The following FCHSD2 variants were observed in gnomAD, a reference collection of about 807,000 sequenced individuals.
FCHSD2 encodes the protein F-BAR and double SH3 domains protein 2.
Under a neutral mutation model 108.1 loss-of-function variants are expected in FCHSD2, and 38 were observed. The observed-to-expected ratio is 0.35, with a 90% CI of 0.27 to 0.46. The LOEUF is 0.46. Ranked by LOEUF, FCHSD2 falls within the 20% of genes least tolerant of loss-of-function variation. The pLI, the probability that FCHSD2 is intolerant of heterozygous loss-of-function variation, is 1.00. For missense variants in FCHSD2, 751 were observed against 897.8 expected (o/e 0.84, Z 2.09); for synonymous variants, 279 against 314.7 (o/e 0.89, Z 1.20).
intron 2 of FCHSD2, among the ~76,000 whole-genome samples, chr11:73,137,127 T>C (rs1861136838): frequency 6.6e-6 from 1 of 152,206 alleles, no homozygotes; most frequent in African/African-American, 2.4e-5. Flanking sequence ...GATCACCTCC[T>C]TCCTCAGGCA....
intron 2 of FCHSD2, among the ~76,000 whole-genome samples, chr11:73,133,454 G>A (rs1861049617): frequency 6.6e-6 from 1 of 152,120 alleles, no homozygotes. Flanking sequence ...ATGAAGTAAT[G>A]ATACTACAAC....
intron 2 of FCHSD2, among the ~76,000 whole-genome samples, chr11:73,123,010 G>A (rs1226187987): frequency 1.3e-5 from 2 of 151,850 alleles, no homozygotes; most frequent in Non-Finnish European, 2.9e-5. Flanking sequence ...ATCCTTCCTT[G>A]TCCCATCAAA....
At chr11:73,031,563 A>G (rs1182730942) in intron 3 of FCHSD2, among the ~76,000 whole-genome samples, 1 of 152,218 alleles carries the variant, frequency 6.6e-6, no homozygotes, top group Non-Finnish European at 1.5e-5. Flanking sequence ...TGGGTGTTAC[A>G]CTTACAAAGT....
chr11:72,990,909 A>G (rs1857398429), intron 5 of FCHSD2, among the ~76,000 whole-genome samples: 1 of 152,198 alleles, frequency 6.6e-6, no homozygotes, highest in African/African-American at 2.4e-5. Context: ...CACAAAAATC[A>G]ATGAATCCAG....
intron 2 of FCHSD2, among the ~76,000 whole-genome samples, chr11:73,114,127 C>T (rs1860554716): frequency 6.6e-6 from 1 of 151,886 alleles, no homozygotes; most frequent in Admixed American, 6.6e-5. Flanking sequence ...TGCAGCTAAG[C>T]TGGCACTCAA....
chr11:72,841,376 T>C, intron 18 of FCHSD2, 78 bp downstream of exon 18: 1 of 1,412,120 alleles, frequency 7.1e-7, no homozygotes, highest in Non-Finnish European at 9.6e-7. Context: ...CAAATGCAGT[T>C]TTTTTTTGCC....
intron 3 of FCHSD2, among the ~76,000 whole-genome samples, chr11:73,021,334 A>G (rs1858099100): frequency 6.6e-6 from 1 of 152,208 alleles, no homozygotes; most frequent in African/African-American, 2.4e-5. Context: ...TAAAGTGGAT[A>G]AAGAAAATTT....
intron 3 of FCHSD2, among the ~76,000 whole-genome samples, chr11:73,020,132 T>C (rs891631279): frequency 1.3e-5 from 2 of 152,218 alleles, no homozygotes; most frequent in East Asian, 3.8e-4. Flanking sequence ...ATTCCAACTT[T>C]TAAAAAGCCA....
At chr11:73,052,788 A>T (rs1001019329) in intron 3 of FCHSD2, among the ~76,000 whole-genome samples, 1 of 152,212 alleles carries the variant, frequency 6.6e-6, no homozygotes, top group Non-Finnish European at 1.5e-5. Flanking sequence ...GGGCAAAAAA[A>T]GATGCTAATA....
chr11:72,913,836 A>AG (rs1436058792), intron 9 of FCHSD2, among the ~76,000 whole-genome samples: 3 of 59,740 alleles, frequency 5.0e-5, no homozygotes, highest in African/African-American at 1.7e-4. Flanking sequence ...AAAAAAAAAC[A>AG]AAAAAAAAAA....
At chr11:73,038,784 C>T (rs1302469153) in intron 3 of FCHSD2, among the ~76,000 whole-genome samples, 5 of 152,050 alleles carry the variant, frequency 3.3e-5, no homozygotes, top group South Asian at 4.1e-4. Flanking sequence ...CTCCAAACCT[C>T]GGCATCATGC....
At chr11:72,915,068 A>G (rs1855844846) in intron 9 of FCHSD2, among the ~76,000 whole-genome samples, 1 of 149,906 alleles carries the variant, frequency 6.7e-6, no homozygotes, top group Non-Finnish European at 1.5e-5. Flanking sequence ...AAACAACTTC[A>G]TTCAAAAGTG....
chr11:72,893,606 T>C (rs1385819244), intron 10 of FCHSD2, among the ~76,000 whole-genome samples: 1 of 152,188 alleles, frequency 6.6e-6, no homozygotes, highest in African/African-American at 2.4e-5. Flanking sequence ...TGAGCCACTA[T>C]GCCCAGCCCA....
chr11:73,076,501 G>C (rs1859555070), intron 3 of FCHSD2, among the ~76,000 whole-genome samples: 1 of 152,194 alleles, frequency 6.6e-6, no homozygotes, highest in Non-Finnish European at 1.5e-5. Flanking sequence ...CAATTTTAGA[G>C]AGACATAAAG....
intron 2 of FCHSD2, among the ~76,000 whole-genome samples, chr11:73,110,525 A>T (rs898904285): frequency 6.6e-6 from 1 of 152,080 alleles, no homozygotes; most frequent in African/African-American, 2.4e-5. Flanking sequence ...TTTCAGTATT[A>T]GCTGTAATGT....
chr11:72,932,489 T>TTCC (rs1220298377), intron 8 of FCHSD2, among the ~76,000 whole-genome samples: 5 of 152,230 alleles, frequency 3.3e-5, no homozygotes, highest in Admixed American at 1.3e-4. Context: ...CCCATTCTCC[T>TTCC]TCCGTATTAC....
chr11:73,069,969 A>G (rs1271588156), intron 3 of FCHSD2, among the ~76,000 whole-genome samples: 2 of 152,226 alleles, frequency 1.3e-5, no homozygotes, highest in African/African-American at 4.8e-5. Context: ...ATAGATCAAG[A>G]CCAGGTAGAA....
At chr11:72,913,882 C>T (rs1855818203) in intron 9 of FCHSD2, among the ~76,000 whole-genome samples, 1 of 150,046 alleles carries the variant, frequency 6.7e-6, no homozygotes, top group African/African-American at 2.4e-5. Flanking sequence ...ATTGAAGGAC[C>T]TCTAAAAGGA....
intron 12 of FCHSD2, among the ~76,000 whole-genome samples, chr11:72,886,626 A>G (rs1255948106): frequency 1.3e-5 from 2 of 152,124 alleles, no homozygotes; most frequent in Non-Finnish European, 2.9e-5. Context: ...CCTTCACCAC[A>G]TTGCTGCTGA....
Sources: gnomAD v4.1 joint callset for allele counts (sites outside exome capture counted in the v4.1 genomes callset) on GRCh38, gnomAD v4.1.1 for gene constraint, MANE v1.5 for transcripts, NCBI Gene and HGNC (gene_info 2026-07-23, HGNC 2026-07-21) for gene names.